USP5: variants seen among roughly 807,000 people sequenced by gnomAD.
The protein encoded by USP5 is ubiquitin specific peptidase 5, also known as ubiquitin carboxyl-terminal hydrolase 5.
In USP5, 24 loss-of-function variants were observed where a neutral mutation model predicts 102.5. The ratio of observed to expected loss-of-function variants is 0.23; its 90% CI spans 0.17 to 0.33. USP5 has a LOEUF of 0.33. Ranked by LOEUF, USP5 falls within the 10% of genes least tolerant of loss-of-function variation. USP5 has a pLI of 1.00. For synonymous variants in USP5, 460 were observed against 434.8 expected, an observed-to-expected ratio of 1.06 and a Z score of -0.72; for missense variants, 753 against 1,122.1, an observed-to-expected ratio of 0.67 and a Z score of 4.70.
intron 19 of USP5, 84 bp from the exon 20 acceptor site, chr12:6,865,900 C>T: frequency 1.6e-6 from 2 of 1,231,276 alleles, no homozygotes; most frequent in South Asian, 1.2e-5. Context: ...GAGAGCACTT[C>T]CAGGGGCCAT....
At position 6,857,516 on chromosome 12, in the gene USP5, ACCTTACTGGCTCT is replaced by A. The variant is rs1278287260; in HGVS notation, c.770-108_770-96del. On this transcript the variant is annotated intron_variant, in intron 6 of 19. Transcript: ENST00000229268. Reference sequence around the variant, plus strand: ...ATATTCAAGGGAACCAAGAGGGTGGACCTTACTGGCTCTCCTTCTGTCCCCTCAAGTCCCTTCT... The same window carrying A: ...ATATTCAAGGGAACCAAGAGGGTGGACCTTCTGTCCCCTCAAGTCCCTTCT... 20 of 834,180 alleles carry A rather than the reference ACCTTACTGGCTCT, an allele frequency of 2.4e-5. No individual in the cohort carries two copies. In the East Asian group the frequency reaches 4.9e-4, roughly 21 times the overall value. The allele number at this position is 834,180 out of a possible 1,614,324, so 51.7% of individuals were successfully genotyped here.
intron 19 of USP5, 78 bp from the exon 20 acceptor site, chr12:6,865,906 G>C: frequency 7.9e-7 from 1 of 1,268,602 alleles, no homozygotes; most frequent in Non-Finnish European, 1.1e-6. Flanking sequence ...ACTTCCAGGG[G>C]CCATGTCTGA....
At chr12:6,865,795 G>A (rs1555130736) in intron 19 of USP5, among the ~76,000 whole-genome samples, 189 bp from the exon 20 acceptor site, 1 of 152,214 alleles carries the variant, frequency 6.6e-6, no homozygotes, top group African/African-American at 2.4e-5. Flanking sequence ...AGGATCTGAA[G>A]ACATAATAGG....
In USP5 at chr12:6,866,481, G is replaced by GC. The variant is rs1161739376; in HGVS notation, c.*408dup. 5 of 190,200 alleles carry GC rather than the reference G, an allele frequency of 2.6e-5. No homozygotes were observed. The highest frequency in any genetic ancestry group is 1.2e-4 in the African/African-American group (5 of 43,256). 11.8% of individuals were successfully genotyped at this position (190,200 alleles called of 1,614,324 possible). The stretch of plus-strand genomic sequence containing the variant: ...CTGTGCCTCCCCTCCCCCTTTGTTT[G>GC]CCCCTGTGTGGTTGGTCAAGGAGGG... On this transcript the variant is annotated 3_prime_UTR_variant, in exon 20 of 20. Transcript: ENST00000229268. The surrounding 1 kb of genome is among the most constrained non-coding windows in gnomAD (Gnocchi z 4.7).
chr12:6,863,165 G>T lies in USP5; in HGVS notation c.1763-21G>T. On this transcript the variant is annotated intron_variant, in intron 14 of 19. Coordinates refer to ENST00000229268, the MANE Select transcript of USP5 (RefSeq NM_001098536.2). This position sits in a 1 kb window ranked among gnomAD's most constrained non-coding sequence, Gnocchi z 4.7. ...TCCAGGTAGGCCTCCGGGAGCTGCTGAGGTGACCCTTTTCCCACAGATGTG... is the reference window on the plus strand; with the variant it reads ...TCCAGGTAGGCCTCCGGGAGCTGCTTAGGTGACCCTTTTCCCACAGATGTG... 6.3e-7 allele frequency: 1 copy of T among 1,596,704 alleles called. No individual in the cohort carries two copies. The highest frequency in any genetic ancestry group is 8.5e-7 in the Non-Finnish European group (1 of 1,170,614).
At chr12:6,862,070 C>T (rs1555129680) in intron 13 of USP5, among the ~76,000 whole-genome samples, 2 of 151,142 alleles carry the variant, frequency 1.3e-5, no homozygotes, top group African/African-American at 4.9e-5. Context: ...ACAGCTCTTC[C>T]TCTCTGTGTG....
At chr12:6,865,941 T>G (rs1034497723) in intron 19 of USP5, 43 bp from the exon 20 acceptor site, 3 of 1,559,454 alleles carry the variant, frequency 1.9e-6, no homozygotes. Flanking sequence ...CCACTTTGAA[T>G]GCCCAGTTTG....
In USP5 at chr12:6,860,371, T is replaced by C; in HGVS notation, c.1224T>C (p.Val408=). 1 of 1,614,116 alleles carries C rather than the reference T, an allele frequency of 6.2e-7. No homozygotes were observed. The highest frequency in any genetic ancestry group is 8.5e-7 in the Non-Finnish European group (1 of 1,180,002). Reference sequence around the variant, plus strand: ...CCTGCCCTGACTCTTCCCAGGAAGTTCAAGATGGCATTGCCCCTCGGATGT... The same window carrying C: ...CCTGCCCTGACTCTTCCCAGGAAGTCCAAGATGGCATTGCCCCTCGGATGT... ...DGERVPEQKE[V]QDGIAPRMFK... is the part of the protein sequence containing the mutation. Residue 408 remains valine (V), a synonymous_variant, in exon 11 of 20, where the codon GTT becomes GTC. Transcript: ENST00000229268. The surrounding 1 kb of genome is among the most constrained non-coding windows in gnomAD (Gnocchi z 5.5).
At position 6,856,318 on chromosome 12, in the gene USP5, T is replaced by C; in HGVS notation, c.452T>C (p.Val151Ala). 6 of 1,613,208 alleles carry C rather than the reference T, an allele frequency of 3.7e-6. No homozygotes were observed. The highest frequency in any genetic ancestry group is 5.1e-6 in the Non-Finnish European group (6 of 1,179,558). Residue 151 changes from valine (V) to alanine (A), a missense_variant, in exon 5 of 20, where the codon GTG (valine) becomes GCG (alanine). Transcript: ENST00000229268. This position sits in a 1 kb window ranked among gnomAD's most constrained non-coding sequence, Gnocchi z 5.6. ...DIVRDRVTSA[V>A]EALLSADSAS... is the part of the protein sequence containing the mutation. ...TGCTTCCCCCAGGTGACCAGTGCAGTGGAGGCCCTACTGTCGGCCGACTCA... is the reference window on the plus strand; with the variant it reads ...TGCTTCCCCCAGGTGACCAGTGCAGCGGAGGCCCTACTGTCGGCCGACTCA...
rs781936880 is a variant in USP5 at position 6,865,956 on chromosome 12, TC to T, written c.2484-26del. The T allele has an allele frequency of 1.3e-4, 209 of 1,603,598 alleles. No individual in the cohort carries two copies. In the Middle Eastern group the frequency reaches 1.5e-3, roughly 11 times the overall value. ...CCACTTTGAATGCCCAGTTTGTTCA[TC>T]CTTTTCTGTTTTCCCCACTTCCCCA... On this transcript the variant is annotated intron_variant, in intron 19 of 19. Transcript: ENST00000229268.
chr12:6,863,912 C>T lies in USP5; in HGVS notation c.2037C>T (p.Tyr679=), dbSNP rs1944349753. Reference sequence around the variant, plus strand: ...ACGCCTGCCGCAAAGCTGTCTACTACACGGGCAACAGCGGGGCTGAGGCCG... The same window carrying T: ...ACGCCTGCCGCAAAGCTGTCTACTATACGGGCAACAGCGGGGCTGAGGCCG... ...PMDACRKAVY[Y]TGNSGAEAAM... The change falls in exon 16 of 20, where the codon TAC becomes TAT. Residue 679 remains tyrosine (Y), a synonymous_variant. Coordinates refer to ENST00000229268, the MANE Select transcript of USP5 (RefSeq NM_001098536.2). This position sits in a 1 kb window ranked among gnomAD's most constrained non-coding sequence, Gnocchi z 4.7. 5 of 1,611,916 alleles carry T rather than the reference C, an allele frequency of 3.1e-6. No homozygotes were observed. The East Asian group carries it at 6.7e-5, about 22-fold the overall frequency.
chr12:6,866,202 G>A lies in USP5; in HGVS notation c.*125G>A. On this transcript the variant is annotated 3_prime_UTR_variant, in exon 20 of 20. Coordinates refer to ENST00000229268, the MANE Select transcript of USP5 (RefSeq NM_001098536.2). This position sits in a 1 kb window ranked among gnomAD's most constrained non-coding sequence, Gnocchi z 4.7. The stretch of plus-strand genomic sequence containing the variant: ...TTTTCCTTTTGTCCCCGGCAGCAGG[G>A]AAGAAGCTGGAGGCCGTGGGAGAAT... 2.3e-6 allele frequency: 2 copies of A among 862,480 alleles called. No homozygotes were observed. The highest frequency in any genetic ancestry group is 1.6e-5 in the South Asian group (1 of 63,670). 53.4% of individuals were successfully genotyped at this position (862,480 alleles called of 1,614,324 possible).
At chr12:6,862,223 G>C (rs781869631) in intron 13 of USP5, among the ~76,000 whole-genome samples, 58 of 152,252 alleles carry the variant, frequency 3.8e-4, no homozygotes, top group African/African-American at 1.3e-3. Context: ...TGGAATTACA[G>C]ATATGAGCCA....
Position 6,861,597 on chromosome 12 carries a change from G to A in USP5, c.1653G>A (p.Gln551=), listed in dbSNP as rs1555129594. 1.3e-6 allele frequency: 2 copies of A among 1,572,404 alleles called. No individual in the cohort carries two copies. Among genetic ancestry groups the A allele is most frequent in the South Asian group, 2.3e-5 (2 of 88,620 alleles). Residue 551 remains glutamine (Q), a synonymous_variant, in exon 13 of 20, where the codon CAG becomes CAA. Transcript: ENST00000229268. This position sits in a 1 kb window ranked among gnomAD's most constrained non-coding sequence, Gnocchi z 4.9. The part of the protein sequence containing the change: ...QVDDFWSTAL[Q]AKSVAVKTTR... ...ATGACTTCTGGAGCACGGCCCTGCAGGCCAAGTCAGTAGCTGTCAAGTAAG... is the reference window on the plus strand; with the variant it reads ...ATGACTTCTGGAGCACGGCCCTGCAAGCCAAGTCAGTAGCTGTCAAGTAAG...
Position 6,860,360 on chromosome 12 carries a change from T to A in USP5, c.1219-6T>A, listed in dbSNP as rs782726403. The A allele has an allele frequency of 2.5e-6, 4 of 1,613,982 alleles. No homozygotes were observed. The highest frequency in any genetic ancestry group is 3.4e-6 in the Non-Finnish European group (4 of 1,180,020). On this transcript the variant is annotated splice_polypyrimidine_tract_variant and splice_region_variant and intron_variant, in intron 10 of 19. Coordinates refer to ENST00000229268, the MANE Select transcript of USP5 (RefSeq NM_001098536.2). The surrounding 1 kb of genome is among the most constrained non-coding windows in gnomAD (Gnocchi z 5.5). ...CCAGCTGAGTCCCTGCCCTGACTCT[T>A]CCCAGGAAGTTCAAGATGGCATTGC...
At chr12:6,865,475 C>T (rs1422031709) in intron 19 of USP5, among the ~76,000 whole-genome samples, 1 of 152,116 alleles carries the variant, frequency 6.6e-6, no homozygotes, top group Non-Finnish European at 1.5e-5. Flanking sequence ...GTTGCCCAGG[C>T]TGGTCTTGAA....
rs373775212 is a variant in USP5 at position 6,864,039 on chromosome 12, C to T, written c.2099-11C>T. 5.0e-6 allele frequency: 8 copies of T among 1,596,774 alleles called. No homozygotes were observed. Among genetic ancestry groups the T allele is most frequent in the South Asian group, 2.2e-5 (2 of 89,134 alleles). ...CCTCCCCCAAACACATCAACCCCTTCACATCCACAGATTTTGCAAACCCCC... is the reference window on the plus strand; with the variant it reads ...CCTCCCCCAAACACATCAACCCCTTTACATCCACAGATTTTGCAAACCCCC... On this transcript the variant is annotated splice_polypyrimidine_tract_variant and intron_variant, in intron 16 of 19. Transcript: ENST00000229268. The surrounding 1 kb of genome is among the most constrained non-coding windows in gnomAD (Gnocchi z 4.8).
chr12:6,864,874 A>G lies in USP5; in HGVS notation c.2397A>G (p.Gly799=), dbSNP rs1555130463. The G allele has an allele frequency of 6.2e-7, 1 of 1,613,144 alleles. No homozygotes were observed. Among genetic ancestry groups the G allele is most frequent in the Non-Finnish European group, 8.5e-7 (1 of 1,179,748 alleles). Residue 799 remains glycine (G), a splice_region_variant and synonymous_variant, in exon 18 of 20, where the codon GGA becomes GGG. Coordinates refer to ENST00000229268, the MANE Select transcript of USP5 (RefSeq NM_001098536.2). This position sits in a 1 kb window ranked among gnomAD's most constrained non-coding sequence, Gnocchi z 4.8. ...GACCTAAAGTCCGGGATGGTCCTGG[A>G]AGTGAGTATCCCCAGGAAGCAGGAC... ...PVGPKVRDGP[G]KYQLFAFISH...
chr12:6,863,446 G>A lies in USP5; in HGVS notation c.1954+69G>A. 6.6e-7 allele frequency: 1 copy of A among 1,511,904 alleles called. No homozygotes were observed. Among genetic ancestry groups the A allele is most frequent in the Non-Finnish European group, 9.0e-7 (1 of 1,111,470 alleles). The allele number at this position is 1,511,904 out of a possible 1,614,324, so 93.7% of individuals were successfully genotyped here. ...GGGGCCTCTCTGCCTTGCATCCCCT[G>A]CCCCTGTCCTTTGTGTTTCTCCTGT... On this transcript the variant is annotated intron_variant, in intron 15 of 19. Transcript: ENST00000229268. This position sits in a 1 kb window ranked among gnomAD's most constrained non-coding sequence, Gnocchi z 4.7.
Sources: gnomAD v4.1 joint callset for allele counts (sites outside exome capture counted in the v4.1 genomes callset) on GRCh38, gnomAD v4.1.1 for gene constraint, Gnocchi (gnomAD v3.1) non-coding constraint, MANE v1.5 for transcripts, NCBI Gene and HGNC (gene_info 2026-07-23, HGNC 2026-07-21) for gene names.